TPR: variants seen among roughly 807,000 people sequenced by gnomAD.
TPR encodes translocated promoter region, nuclear basket protein, also known as nucleoprotein TPR.
Under a neutral mutation model 316.1 loss-of-function variants are expected in TPR, and 51 were observed. That is an observed-to-expected ratio of 0.16 (90% confidence interval 0.13 to 0.20). The LOEUF is 0.20. TPR is among the 10% of genes least tolerant of loss of function. TPR has a pLI of 1.00. For synonymous variants in TPR, 981 were observed against 914.7 expected (o/e 1.07, Z -1.31); for missense variants, 2,272 against 2,754.8 (o/e 0.82, Z 3.92).
rs1355500444 is a variant in TPR at position 186,320,415 on chromosome 1, C to T, written c.6465G>A (p.Ser2155=). The stretch of plus-strand genomic sequence containing the variant: ...ATCTAGGGACACCAGCAACCTGCGG[C>T]GAACTAAATGGACAAAAACTAATTT... ...RTDGFAEAIH[S]PQVAGVPRFR... Residue 2155 remains serine (S), a synonymous_variant, in exon 46 of 51, where the codon TCG becomes TCA. Coordinates refer to ENST00000367478, the MANE Select transcript of TPR (RefSeq NM_003292.3). The T allele has an allele frequency of 7.5e-6, 12 of 1,604,608 alleles. No homozygotes were observed. The highest frequency in any genetic ancestry group is 2.2e-5 in the East Asian group (1 of 44,622).
Position 186,339,683 on chromosome 1 carries a change from T to C in TPR, c.4110A>G (p.Gln1370=), listed in dbSNP as rs756247748. Residue 1370 remains glutamine, a synonymous_variant, in exon 30 of 51, where the codon CAA becomes CAG. Transcript: ENST00000367478. ...EKEVHTKRIQ[Q]LTEEIGRLKA... ...TAAGTCTACCAATTTCTTCTGTCAATTGTTGAATACGCTTAGTATGAACTT... is the reference window on the plus strand; with the variant it reads ...TAAGTCTACCAATTTCTTCTGTCAACTGTTGAATACGCTTAGTATGAACTT... The C allele has an allele frequency of 3.1e-6, 5 of 1,594,552 alleles. No individual in the cohort carries two copies. The highest frequency in any genetic ancestry group is 2.3e-5 in the East Asian group (1 of 43,754).
rs150814356 is a variant in TPR at position 186,327,885 on chromosome 1, C to T, written c.5689-225G>A. The stretch of plus-strand genomic sequence containing the variant: ...AAACCTCCGCCCCACTGGGTTCAAG[C>T]GACTCTCCTGCCTCAGCCTCCTGAG... On this transcript the variant is annotated intron_variant, in intron 39 of 50. Transcript: ENST00000367478. Among the ~76,000 whole-genome samples the T allele has an allele frequency of 3.5e-3, 533 of 152,000 alleles. 5 individuals are homozygous for T. Among genetic ancestry groups the T allele is most frequent in the African/African-American group, 0.013 (519 of 41,454 alleles).
chr1:186,322,018 C>T (rs1657789343), intron 45 of TPR, among the ~76,000 whole-genome samples: 1 of 152,204 alleles, frequency 6.6e-6, no homozygotes, highest in East Asian at 1.9e-4. Context: ...GAACTTGCTA[C>T]CGCTAGTAAA....
rs184008453 is a variant in TPR at position 186,344,652 on chromosome 1, A to G, written c.3214-74T>C. 8.8e-5 allele frequency: 98 copies of G among 1,115,236 alleles called. No individual in the cohort carries two copies. In the African/African-American group the frequency reaches 1.5e-3, roughly 17 times the overall value. The allele number at this position is 1,115,236 out of a possible 1,614,324, so 69.1% of individuals were successfully genotyped here. A position where few individuals can be genotyped will look rare whatever the true frequency, so the allele number is the denominator to read the frequency against. ...AACTAGTTAGCACTTGTCCAAAGAT[A>G]CACATTGGACTTTTTAAATAATAAA... is the stretch of plus-strand genomic sequence containing the variant. On this transcript the variant is annotated intron_variant, in intron 24 of 50. Transcript: ENST00000367478.
At chr1:186,368,046 A>G (rs888094188) in intron 3 of TPR, 64 bp from the exon 4 acceptor site, 15 of 1,194,042 alleles carry the variant, frequency 1.3e-5, no homozygotes, top group African/African-American at 1.5e-5. Flanking sequence ...GCGAACATAG[A>G]ATTGTCACTT....
chr1:186,371,105 T>A, intron 2 of TPR, 62 bp from the exon 3 acceptor site: 1 of 1,233,808 alleles, frequency 8.1e-7, no homozygotes, highest in Admixed American at 1.7e-5. Context: ...TGAGTGTTTT[T>A]ATGCAACTGC....
At position 186,375,243 on chromosome 1, in the gene TPR, C is replaced by A. The variant is rs867647259; in HGVS notation, c.-215G>T. The A allele has an allele frequency of 1.4e-6, 2 of 1,450,062 alleles. No homozygotes were observed. The highest frequency in any genetic ancestry group is 2.7e-5 in the Admixed American group (1 of 37,240). The allele number at this position is 1,450,062 out of a possible 1,614,324, so 89.8% of individuals were successfully genotyped here. On this transcript the variant is annotated 5_prime_UTR_variant, in exon 1 of 51. Transcript: ENST00000367478. ...GTTTCAGCAACAGCACCTCACCGCC[C>A]GCGACCGAAGTGCGCGCGCAGCCGT...
chr1:186,356,175 T>C lies in TPR; in HGVS notation c.1888+111A>G, dbSNP rs1185733115. The C allele has an allele frequency of 1.0e-5, 9 of 890,896 alleles. No individual in the cohort carries two copies. The East Asian group carries it at 1.9e-4, about 19-fold the overall frequency. The allele number at this position is 890,896 out of a possible 1,614,324, so 55.2% of individuals were successfully genotyped here. Reference sequence around the variant, plus strand: ...GGATGTTATAAGCAATTATATATGGTAGTCAAATTTGAAGCTACCATCATT... The same window carrying C: ...GGATGTTATAAGCAATTATATATGGCAGTCAAATTTGAAGCTACCATCATT... On this transcript the variant is annotated intron_variant, in intron 15 of 50. Transcript: ENST00000367478.
At chr1:186,327,707 T>A in intron 39 of TPR, 47 bp from the exon 40 acceptor site, 2 of 1,496,730 alleles carry the variant, frequency 1.3e-6, no homozygotes, top group East Asian at 4.5e-5. Context: ...CCTATAAACA[T>A]ACCTAAAACT....
rs762270924 is a variant in TPR at position 186,375,197 on chromosome 1, G to C, written c.-169C>G. ...TCCCGCGGCGGGACCCTGGGAAATC[G>C]AGTCCACCCTCAGCGGCAGCGTTTC... On this transcript the variant is annotated 5_prime_UTR_variant, in exon 1 of 51. Transcript: ENST00000367478. 5.3e-6 allele frequency: 8 copies of C among 1,519,072 alleles called. No individual in the cohort carries two copies. The highest frequency in any genetic ancestry group is 7.1e-6 in the Non-Finnish European group (8 of 1,131,730). 94.1% of individuals were successfully genotyped at this position (1,519,072 alleles called of 1,614,324 possible). A position where few individuals can be genotyped will look rare whatever the true frequency, so the allele number is the denominator to read the frequency against.
Position 186,320,154 on chromosome 1 carries a change from C to T in TPR, c.6568+158G>A, listed in dbSNP as rs976611904. ...TGGAAAGATAAGATGTAAGGCAGTGCTTAATAAGTATACTACAGCATTTAA... is the reference window on the plus strand; with the variant it reads ...TGGAAAGATAAGATGTAAGGCAGTGTTTAATAAGTATACTACAGCATTTAA... On this transcript the variant is annotated intron_variant, in intron 46 of 50. Transcript: ENST00000367478. Among the ~76,000 whole-genome samples the T allele has an allele frequency of 3.3e-5, 5 of 152,238 alleles. No homozygotes were observed. The East Asian group carries it at 7.7e-4, about 23-fold the overall frequency.
In TPR at chr1:186,353,703, C is replaced by G. The variant is rs1658941395; in HGVS notation, c.2319G>C (p.Lys773Asn). The change falls in exon 18 of 51, where the codon AAG becomes AAC. Residue 773 changes from lysine (K) to asparagine (N), a missense_variant. Physicochemically the swap from Lys to Asn is moderately conservative, Grantham distance 94. Around this residue, in one of 10 missense-constraint regions of TPR, gnomAD observed 757 missense variants for 859.8 expected, o/e 0.88. Coordinates refer to ENST00000367478, the MANE Select transcript of TPR (RefSeq NM_003292.3). ...MTQDLRGANE[K>N]LAVAEVRAEN... ...TTGGACTCACTTCTGCGACAGCTAG[C>G]TTCTCATTTGCTCCTCTCAAATCTT... The G allele has an allele frequency of 7.4e-6, 12 of 1,613,750 alleles. No individual in the cohort carries two copies. Among genetic ancestry groups the G allele is most frequent in the Non-Finnish European group, 1.0e-5 (12 of 1,179,908 alleles).
intron 15 of TPR, 146 bp downstream of exon 15, chr1:186,356,140 A>T: frequency 1.5e-6 from 1 of 679,474 alleles, no homozygotes; most frequent in Non-Finnish European, 2.3e-6. Context: ...GGTATGTTTT[A>T]CAGTTGATGG....
At chr1:186,357,262 G>T in intron 14 of TPR, 135 bp downstream of exon 14, 1 of 768,714 alleles carries the variant, frequency 1.3e-6, no homozygotes, top group Non-Finnish European at 2.1e-6. Flanking sequence ...CGTCCAGGCT[G>T]GTCTCGACCT....
At chr1:186,329,067 A>C (rs1658079474) in intron 39 of TPR, among the ~76,000 whole-genome samples, 2 of 152,208 alleles carry the variant, frequency 1.3e-5, no homozygotes, top group African/African-American at 2.4e-5. Context: ...CTTGAAAAGA[A>C]CGTCTGCTTC....
intron 38 of TPR, 23 bp downstream of exon 38, chr1:186,332,172 T>C (rs776316642): frequency 2.4e-5 from 38 of 1,589,802 alleles, no homozygotes; most frequent in Non-Finnish European, 3.1e-5. Flanking sequence ...AAAGTTAAAA[T>C]ACACAGAAAG....
Position 186,333,054 on chromosome 1 carries a change from C to T in TPR, c.5455+68G>A, listed in dbSNP as rs1658219483. On this transcript the variant is annotated intron_variant, in intron 37 of 50. Coordinates refer to ENST00000367478, the MANE Select transcript of TPR (RefSeq NM_003292.3). Reference sequence around the variant, plus strand: ...ACAAAGAATACTCAAGATATATATACTCAAGATACACTCAAGATCTTATAA... The same window carrying T: ...ACAAAGAATACTCAAGATATATATATTCAAGATACACTCAAGATCTTATAA... 3.9e-6 allele frequency: 6 copies of T among 1,538,958 alleles called. No homozygotes were observed. In the Admixed American group the frequency reaches 9.3e-5, roughly 24 times the overall value.
At chr1:186,357,278 G>A in intron 14 of TPR, 119 bp downstream of exon 14, 1 of 941,846 alleles carries the variant, frequency 1.1e-6, no homozygotes, top group Non-Finnish European at 1.6e-6. Context: ...GACCTCCTGG[G>A]CTCAAATGAT....
At chr1:186,322,636 G>C (rs1363658643) in intron 43 of TPR, 50 bp from the exon 44 acceptor site, 1 of 1,568,046 alleles carries the variant, frequency 6.4e-7, no homozygotes, top group Admixed American at 1.7e-5. Flanking sequence ...ATGAGGCAAT[G>C]AAACAAACAC....
Sources: gnomAD v4.1 joint callset for allele counts (sites outside exome capture counted in the v4.1 genomes callset) on GRCh38, gnomAD v4.1.1 for gene constraint, gnomAD v4.1.1 regional missense constraint, MANE v1.5 for transcripts, NCBI Gene and HGNC (gene_info 2026-07-23, HGNC 2026-07-21) for gene names.